The following GLI2 variants were observed in gnomAD, a reference collection of about 807,000 sequenced individuals.
GLI2 encodes the protein GLI family zinc finger 2.
A neutral mutation model predicts 78.9 loss-of-function variants in GLI2; 22 were observed. The observed-to-expected ratio is 0.28, with a 90% CI of 0.20 to 0.40. The LOEUF (loss-of-function observed/expected upper bound fraction) is 0.40, where lower values mean the gene tolerates loss of function less well. Among genes scored for constraint, GLI2 ranks in the 10% least tolerant of loss-of-function variants. GLI2 has a pLI of 1.00. For synonymous variants in GLI2, 974 were observed against 963.7 expected, an observed-to-expected ratio of 1.01 and a Z score of -0.20; for missense variants, 2,097 against 2,213.2, an observed-to-expected ratio of 0.95 and a Z score of 1.05.
At chr2:120,887,110 C>A (rs73949952) in intron 2 of GLI2, among the ~76,000 whole-genome samples, 1 of 152,178 alleles carries the variant, frequency 6.6e-6, no homozygotes, top group Admixed American at 6.5e-5. Context: ...CGCTGGCCCC[C>A]GATCAATGCC....
intron 2 of GLI2, among the ~76,000 whole-genome samples, chr2:120,868,892 G>A (rs2104667449): frequency 6.6e-6 from 1 of 152,034 alleles, no homozygotes; most frequent in African/African-American, 2.4e-5. Context: ...GAGGGGAAAG[G>A]TCATTGCCCT....
chr2:120,777,907 G>A (rs1313750131), intron 1 of GLI2, among the ~76,000 whole-genome samples: 2 of 152,120 alleles, frequency 1.3e-5, no homozygotes, highest in African/African-American at 4.8e-5. Context: ...GCAGAGCCCA[G>A]TGTGGTCAGA....
intron 2 of GLI2, among the ~76,000 whole-genome samples, chr2:120,908,868 GGCT>G (rs1387748832): frequency 6.6e-5 from 10 of 152,312 alleles, no homozygotes; most frequent in African/African-American, 2.2e-4. Context: ...AGTGCTGAAT[GGCT>G]GATGGCTGGA....
rs536380580 is a variant in GLI2, at chr2:120,752,112, T to C, written c.-31+15827T>C. Among the ~76,000 whole-genome samples, 13 of 152,268 alleles carry C rather than the reference T, an allele frequency of 8.5e-5. No homozygotes were observed. In the East Asian group the frequency reaches 2.5e-3, roughly 29 times the overall value. Reference sequence around the variant, plus strand: ...TAGACCAGTGTTTTATTATTATCATTTATTTTTACACCAGTGGGATCATAC... The same window carrying C: ...TAGACCAGTGTTTTATTATTATCATCTATTTTTACACCAGTGGGATCATAC... On this transcript the variant is annotated intron_variant, in intron 1 of 13. Transcript: ENST00000361492.
chr2:120,925,273 T>G (rs939985272), intron 2 of GLI2, among the ~76,000 whole-genome samples: 1 of 152,252 alleles, frequency 6.6e-6, no homozygotes, highest in Non-Finnish European at 1.5e-5. Context: ...TGAGAAGATT[T>G]GCTTTTTGTT....
At chr2:120,970,628 GAT>G (rs1682102002) in intron 7 of GLI2, 22 bp downstream of exon 7, 1 of 1,573,474 alleles carries the variant, frequency 6.4e-7, no homozygotes. Context: ...CAGGGGCCAG[GAT>G]GGCCACTGGG....
chr2:120,803,772 G>A (rs1026274156), intron 2 of GLI2, among the ~76,000 whole-genome samples: 25 of 152,256 alleles, frequency 1.6e-4, no homozygotes, highest in Non-Finnish European at 3.1e-4. Context: ...GTAAGTGCAG[G>A]GTCCAGGGCA....
intron 2 of GLI2, among the ~76,000 whole-genome samples, chr2:120,822,602 T>C (rs1431698625): frequency 1.3e-5 from 2 of 152,234 alleles, no homozygotes; most frequent in African/African-American, 4.8e-5. Flanking sequence ...GAAAATGTGA[T>C]GACTGTGGAA....
At chr2:120,938,029 C>A (rs1680277499) in intron 3 of GLI2, among the ~76,000 whole-genome samples, 1 of 152,222 alleles carries the variant, frequency 6.6e-6, no homozygotes, top group Admixed American at 6.5e-5. Flanking sequence ...CTTATTCCCG[C>A]CCATGGCTTT....
chr2:120,854,969 C>T (rs927697427), intron 2 of GLI2, among the ~76,000 whole-genome samples: 3 of 152,228 alleles, frequency 2.0e-5, no homozygotes, highest in Non-Finnish European at 4.4e-5. Context: ...GGCAGGACCC[C>T]TTCGTGGGCT....
intron 2 of GLI2, among the ~76,000 whole-genome samples, chr2:120,811,874 C>G (rs529319561): frequency 1.1e-4 from 17 of 152,068 alleles, no homozygotes; most frequent in Admixed American, 9.2e-4. Context: ...CCTTCTCTTC[C>G]TTTTTTCCAC....
chr2:120,909,940 C>T (rs576772240), intron 2 of GLI2, among the ~76,000 whole-genome samples: 1 of 152,322 alleles, frequency 6.6e-6, no homozygotes, highest in East Asian at 1.9e-4. Context: ...GCAGACCCTT[C>T]GTAGGCCTTC....
chr2:120,989,183 G>T lies in GLI2; in HGVS notation c.3218G>T (p.Ser1073Ile). 1.9e-6 allele frequency: 3 copies of T among 1,613,240 alleles called. No homozygotes were observed. In the South Asian group the frequency reaches 3.3e-5, roughly 18 times the overall value. ...ACCGGGCAGGTGTATCCCACGGAAA[G>T]CACTGGCTTCTCTGACAACCCCAGA... ...EGTGQVYPTESTGFSDNPRLP... is the reference protein window; with the variant it reads ...EGTGQVYPTEITGFSDNPRLP... The change falls in exon 14 of 14, where the codon AGC becomes ATC. Residue 1073 changes from serine to isoleucine, a missense_variant. By Grantham distance (142) the Ser-to-Ile change is moderately radical. This residue lies in a region of GLI2 where 1,290 missense variants were observed against 1,261.7 expected (regional missense o/e 1.02). Coordinates refer to ENST00000361492, the MANE Select transcript of GLI2 (RefSeq NM_001374353.1).
In GLI2 at chr2:120,980,568, C is replaced by T. The variant is rs188944801; in HGVS notation, c.1467+1985C>T. On this transcript the variant is annotated intron_variant, in intron 10 of 13. Coordinates refer to ENST00000361492, the MANE Select transcript of GLI2 (RefSeq NM_001374353.1). ...GATATATGATTTGCAAATAATTCTC[C>T]CATTCTCTGGATTTTCTTTTCATTT... Among the ~76,000 whole-genome samples the T allele has an allele frequency of 5.9e-5, 9 of 152,208 alleles. No individual in the cohort carries two copies. The East Asian group carries it at 1.7e-3, about 29-fold the overall frequency.
intron 11 of GLI2, among the ~76,000 whole-genome samples, chr2:120,983,225 C>T (rs1419065671): frequency 2.0e-5 from 3 of 152,066 alleles, no homozygotes; most frequent in Non-Finnish European, 4.4e-5. Context: ...GGGAAGTGGC[C>T]CTTCTGATCT....
intron 3 of GLI2, among the ~76,000 whole-genome samples, chr2:120,945,291 CA>C (rs1680654332): frequency 6.6e-6 from 1 of 152,240 alleles, no homozygotes; most frequent in African/African-American, 2.4e-5. Flanking sequence ...AGCACACACA[CA>C]CACAAACACA....
intron 3 of GLI2, among the ~76,000 whole-genome samples, chr2:120,935,366 C>A (rs779067602): frequency 1.3e-5 from 2 of 152,210 alleles, no homozygotes; most frequent in Non-Finnish European, 2.9e-5. Flanking sequence ...TGGGTCCAGG[C>A]GATGTGTCGG....
At chr2:120,978,350 G>C in intron 9 of GLI2, 84 bp from the exon 10 acceptor site, 3 of 1,491,032 alleles carry the variant, frequency 2.0e-6, no homozygotes, top group Middle Eastern at 3.4e-4. Flanking sequence ...GGGGGGTGCC[G>C]GTGCAGGTGG....
chr2:120,878,895 T>C (rs954552468), intron 2 of GLI2, among the ~76,000 whole-genome samples: 106 of 151,612 alleles, frequency 7.0e-4, no homozygotes, highest in African/African-American at 2.5e-3. Context: ...ACCACTGCAC[T>C]CCAGCCTGGG....
Sources: gnomAD v4.1 joint callset for allele counts (sites outside exome capture counted in the v4.1 genomes callset) on GRCh38, gnomAD v4.1.1 for gene constraint, gnomAD v4.1.1 regional missense constraint, MANE v1.5 for transcripts, NCBI Gene and HGNC (gene_info 2026-07-23, HGNC 2026-07-21) for gene names.